TMC6: variants seen among roughly 807,000 people sequenced by gnomAD.
TMC6 encodes the protein transmembrane channel like 6, also known as transmembrane channel-like protein 6.
Under a neutral mutation model 95.4 loss-of-function variants are expected in TMC6, and 71 were observed. That is an observed-to-expected ratio of 0.74 (90% CI 0.61 to 0.91). The LOEUF is 0.91. Among genes scored for constraint, TMC6 ranks in the 40% least tolerant of loss-of-function variants. The pLI, the probability that TMC6 is intolerant of heterozygous loss-of-function variation, is 0.00. For missense variants in TMC6, 1,074 were observed against 1,079.1 expected (o/e 1.00, Z 0.07); for synonymous variants, 514 against 483.1 (o/e 1.06, Z -0.84).
At chr17:78,113,410 G>C (rs573123071) in intron 19 of TMC6, 138 bp downstream of exon 19, 44 of 1,252,834 alleles carry the variant, frequency 3.5e-5, no homozygotes, top group Middle Eastern at 3.7e-4. Flanking sequence ...TGGGCGCCGG[G>C]GGGGAGATTT....
In TMC6 at chr17:78,117,809, CG is replaced by C; in HGVS notation, c.2013del (p.Val672SerfsTer4). The C allele has an allele frequency of 6.2e-7, 1 of 1,606,922 alleles. No individual in the cohort carries two copies. Among genetic ancestry groups the C allele is most frequent in the South Asian group, 1.1e-5 (1 of 89,906 alleles). On this transcript the variant is annotated frameshift_variant, in exon 16 of 20. Transcript: ENST00000590602. LOFTEE classifies it high-confidence loss of function. Reference sequence around the variant, plus strand: ...TCCACCCGCCCCACTCACTGCCAGACGGCGTAGCAGAGGAAGACAGCGGCGC... The same window carrying C: ...TCCACCCGCCCCACTCACTGCCAGACGCGTAGCAGAGGAAGACAGCGGCGC... ...FLGAAVFLCY[A>X]VWQVKPSSTC...
At position 78,117,296 on chromosome 17, in the gene TMC6, G is replaced by A. The variant is rs907697260; in HGVS notation, c.2250C>T (p.Ile750=). ...TGCTGATCTGCTCCTTGAGCAGGCA[G>A]ATGACCTTGCGCTGGCCCCGCACCA... ...IQVVRGQRKV[I]CLLKEQISNE... is the part of the protein sequence containing the mutation. Residue 750 remains isoleucine (I), a synonymous_variant, in exon 18 of 20, where the codon ATC becomes ATT. Transcript: ENST00000590602. 6.2e-7 allele frequency: 1 copy of A among 1,613,536 alleles called. No individual in the cohort carries two copies. The highest frequency in any genetic ancestry group is 1.7e-5 in the Admixed American group (1 of 60,024).
intron 4 of TMC6, 27 bp downstream of exon 4, chr17:78,126,250 G>C (rs560692716): frequency 1.9e-6 from 3 of 1,543,948 alleles, no homozygotes; most frequent in Admixed American, 3.9e-5. Flanking sequence ...GGCCGGGGCC[G>C]AGGCCGAGGC....
chr17:78,131,843 G>C (rs1024333150), upstream of TMC6: 1 of 1,477,386 alleles, frequency 6.8e-7, no homozygotes, highest in South Asian at 1.3e-5. Flanking sequence ...TGGGCAGGGC[G>C]GGTGACTCAG....
chr17:78,118,760 A>C (rs961088271), intron 15 of TMC6, among the ~76,000 whole-genome samples: 1 of 152,132 alleles, frequency 6.6e-6, no homozygotes, highest in Non-Finnish European at 1.5e-5. Flanking sequence ...CTCTGAACCC[A>C]GCGATGCTTC....
chr17:78,124,082 G>A lies in TMC6; in HGVS notation c.989C>T (p.Pro330Leu), dbSNP rs1402737637. 21 of 1,613,326 alleles carry A rather than the reference G, an allele frequency of 1.3e-5. No individual in the cohort carries two copies. In the Admixed American group the frequency reaches 3.5e-4, roughly 27 times the overall value. ...GSPLDGSQCT[P>L]RVGGLPYNMP... ...GTTGTAGGGCAGGCCACCCACCCTG[G>A]GTGTGCACTGGCTGCCATCCAGGGG... Residue 330 changes from proline to leucine, a missense_variant, in exon 9 of 20, where the codon CCC becomes CTC. Transcript: ENST00000590602.
rs1007430423 is a variant in TMC6, at chr17:78,107,574, C to T, written c.*5574G>A. The T allele has an allele frequency of 6.6e-6, 1 of 152,274 alleles. No homozygotes were observed. Among genetic ancestry groups the T allele is most frequent in the Non-Finnish European group, 1.5e-5 (1 of 68,052 alleles). The allele number at this position is 152,274 out of a possible 1,614,324, so 9.4% of individuals were successfully genotyped here. A position where few individuals can be genotyped will look rare whatever the true frequency, so the allele number is the denominator to read the frequency against. On this transcript the variant is annotated 3_prime_UTR_variant, in exon 20 of 20. Coordinates refer to ENST00000590602, the MANE Select transcript of TMC6 (RefSeq NM_001127198.5). ...CCCTCTGTAATTTCCTCAGAGCTCA[C>T]ATACGTACCTCTCTCACGAGTGAAC...
chr17:78,118,886 T>C (rs1372772189), intron 15 of TMC6, 85 bp downstream of exon 15: 8 of 1,432,884 alleles, frequency 5.6e-6, no homozygotes, highest in Non-Finnish European at 6.7e-6. Context: ...AGGGTTCTAG[T>C]GTCCCAGGCT....
rs1192174790 is a variant in TMC6, at chr17:78,107,629, A to G, written c.*5519T>C. 1 of 152,202 alleles carries G rather than the reference A, an allele frequency of 6.6e-6. No homozygotes were observed. The highest frequency in any genetic ancestry group is 1.5e-5 in the Non-Finnish European group (1 of 68,032). The allele number at this position is 152,202 out of a possible 1,614,324, so 9.4% of individuals were successfully genotyped here. ...ATTTTCCATTGTTTTGCTTTATTCTATCATTTGCTTTGTGGTTTTGCTGTA... is the reference window on the plus strand; with the variant it reads ...ATTTTCCATTGTTTTGCTTTATTCTGTCATTTGCTTTGTGGTTTTGCTGTA... On this transcript the variant is annotated 3_prime_UTR_variant, in exon 20 of 20. Transcript: ENST00000590602.
At chr17:78,125,922 C>A in intron 4 of TMC6, 38 bp from the exon 5 acceptor site, 2 of 1,549,524 alleles carry the variant, frequency 1.3e-6, no homozygotes, top group Non-Finnish European at 1.7e-6. Context: ...CCGGGCAGGG[C>A]CAGGCCTCCC....
At chr17:78,118,091 G>A (rs2074224470) in intron 15 of TMC6, 156 bp from the exon 16 acceptor site, 5 of 1,339,472 alleles carry the variant, frequency 3.7e-6, no homozygotes, top group Non-Finnish European at 5.0e-6. Flanking sequence ...GAGGAAGACA[G>A]AAGCCTGCCG....
intron 17 of TMC6, 43 bp downstream of exon 17, chr17:78,117,425 C>A (rs769689254): frequency 6.2e-7 from 1 of 1,610,762 alleles, no homozygotes; most frequent in South Asian, 1.1e-5. Context: ...GCAGGCCCAG[C>A]GAGGGCCATC....
chr17:78,112,828 C>CA lies in TMC6; in HGVS notation c.*319dup, dbSNP rs939549691. ...GCGCCCCCACTCCAGCTGAGGTTCC[C>CA]AGGACCCAGACCTGCGCCTGGAGGT... On this transcript the variant is annotated 3_prime_UTR_variant, in exon 20 of 20. Transcript: ENST00000590602. The CA allele has an allele frequency of 5.9e-5, 26 of 441,238 alleles. No homozygotes were observed. The highest frequency in any genetic ancestry group is 5.3e-4 in the African/African-American group (26 of 48,838). 27.3% of individuals were successfully genotyped at this position (441,238 alleles called of 1,614,324 possible). A position where few individuals can be genotyped will look rare whatever the true frequency, so the allele number is the denominator to read the frequency against.
intron 4 of TMC6, 157 bp from the exon 5 acceptor site, chr17:78,126,041 A>AT: frequency 8.2e-7 from 1 of 1,214,384 alleles, no homozygotes; most frequent in Non-Finnish European, 1.1e-6. Flanking sequence ...CCGAAAGCCT[A>AT]TTTTTACCCC....
At chr17:78,126,671 GGT>G (rs1568004096) in intron 2 of TMC6, 23 bp from the exon 3 acceptor site, 1 of 1,612,516 alleles carries the variant, frequency 6.2e-7, no homozygotes, top group Non-Finnish European at 8.5e-7. Context: ...TTGGCGGGGG[GGT>G]CAGGCTCCAG....
chr17:78,124,816 G>A (rs2074614674), intron 7 of TMC6, 35 bp from the exon 8 acceptor site: 1 of 1,576,744 alleles, frequency 6.3e-7, no homozygotes. Flanking sequence ...TGAGGGTGAG[G>A]CCGGAGGAGG....
chr17:78,120,199 G>A (rs989951893), intron 13 of TMC6: 12 of 282,742 alleles, frequency 4.2e-5, no homozygotes, highest in African/African-American at 1.1e-4. Context: ...TTGCTCTGTC[G>A]CCCGGGCTGG....
In TMC6 at chr17:78,124,960, TC is replaced by T; in HGVS notation, c.561del (p.Lys188SerfsTer40). On this transcript the variant is annotated frameshift_variant, in exon 7 of 20. Transcript: ENST00000590602. LOFTEE classifies it high-confidence loss of function. ...SLREKSRTPR[G>X]KWRGQPGSGG... ...CCGCTGCCCGGCTGGCCCCTCCACT[TC>T]CCCCTCGGGGTCCTGCTCTTCTCTC... is the stretch of plus-strand genomic sequence containing the variant. 1.9e-6 allele frequency: 3 copies of T among 1,595,924 alleles called. No individual in the cohort carries two copies. The highest frequency in any genetic ancestry group is 1.3e-5 in the African/African-American group (1 of 74,794).
rs930977669 is a variant in TMC6 at position 78,110,386 on chromosome 17, G to C, written c.*2762C>G. On this transcript the variant is annotated 3_prime_UTR_variant, in exon 20 of 20. Transcript: ENST00000590602. The stretch of plus-strand genomic sequence containing the variant: ...CAGCCAGGCCTGGTTGTATGCACCT[G>C]TAATCCCAGCTACTTGGGAGGCTGA... 2.6e-5 allele frequency: 4 copies of C among 151,804 alleles called. No homozygotes were observed. The highest frequency in any genetic ancestry group is 9.7e-5 in the African/African-American group (4 of 41,264). 9.4% of individuals were successfully genotyped at this position (151,804 alleles called of 1,614,324 possible). A position where few individuals can be genotyped will look rare whatever the true frequency, so the allele number is the denominator to read the frequency against.
Sources: allele counts gnomAD v4.1 joint callset (sites outside exome capture counted in the v4.1 genomes callset), GRCh38; gene constraint gnomAD v4.1.1; transcripts MANE v1.5; gene names NCBI Gene and HGNC (gene_info 2026-07-23, HGNC 2026-07-21).